COG3: variants seen among roughly 807,000 people sequenced by gnomAD.
COG3 encodes the protein component of oligomeric golgi complex 3.
COG3 carries 32 observed loss-of-function variants against 114.1 expected under a neutral mutation model. The ratio of observed to expected loss-of-function variants is 0.28; its 90% CI spans 0.21 to 0.38. The LOEUF (loss-of-function observed/expected upper bound fraction) is 0.38, where lower values mean the gene tolerates loss of function less well. COG3 is among the 10% of genes least tolerant of loss of function. The pLI, the probability that COG3 is intolerant of heterozygous loss-of-function variation, is 1.00. For synonymous variants in COG3, 352 were observed against 365.7 expected, an observed-to-expected ratio of 0.96 and a Z score of 0.43; for missense variants, 813 against 973.2, an observed-to-expected ratio of 0.84 and a Z score of 2.19.
At chr13:45,513,189 A>G (rs1310634166) in intron 16 of COG3, among the ~76,000 whole-genome samples, 2 of 122,046 alleles carry the variant, frequency 1.6e-5, no homozygotes, top group Non-Finnish European at 3.5e-5. Flanking sequence ...GCTTTTATAT[A>G]TATATATATA....
intron 19 of COG3, among the ~76,000 whole-genome samples, chr13:45,522,947 C>T (rs548636651): frequency 5.3e-5 from 8 of 152,290 alleles, no homozygotes; most frequent in African/African-American, 9.6e-5. Flanking sequence ...CCTGCAACTG[C>T]GTCTGCCACC....
chr13:45,534,508 T>TTC, intron 22 of COG3, 194 bp from the exon 23 acceptor site: 3 of 381,234 alleles, frequency 7.9e-6, no homozygotes, highest in Non-Finnish European at 1.4e-5. Flanking sequence ...TTTTTTTTTT[T>TTC]CCATTCTAAT....
At chr13:45,498,711 G>A (rs114765543) in intron 13 of COG3, among the ~76,000 whole-genome samples, 1 of 148,830 alleles carries the variant, frequency 6.7e-6, no homozygotes, top group East Asian at 1.9e-4. Flanking sequence ...TCCTGTGCTA[G>A]CACCAGACTG....
intron 8 of COG3, among the ~76,000 whole-genome samples, chr13:45,487,788 A>G (rs981648301): frequency 2.0e-5 from 3 of 152,238 alleles, no homozygotes; most frequent in African/African-American, 7.2e-5. Context: ...GTTGATGGGA[A>G]TGTAAATTAG....
chr13:45,529,951 G>A lies in COG3; in HGVS notation c.2358+33G>A, dbSNP rs187162327. The A allele has an allele frequency of 2.8e-4, 438 of 1,584,734 alleles. 3 individuals carry two copies. In the East Asian group the frequency reaches 7.7e-3, roughly 28 times the overall value. On this transcript the variant is annotated intron_variant, in intron 21 of 22. Coordinates refer to ENST00000349995, the MANE Select transcript of COG3 (RefSeq NM_031431.4). ...TCAGATAACTCATTTGAATGTTGGC[G>A]GGTGACTTCAAGTATTCTTTGCCTC...
intron 17 of COG3, among the ~76,000 whole-genome samples, chr13:45,517,668 T>A (rs146098338): frequency 1.3e-5 from 2 of 152,318 alleles, no homozygotes; most frequent in East Asian, 1.9e-4. Context: ...CCCATTCTGG[T>A]TGATTTCATT....
At position 45,535,401 on chromosome 13, in the gene COG3, A is replaced by G. The variant is rs1456721631; in HGVS notation, c.*670A>G. 1.0e-6 allele frequency: 1 copy of G among 985,452 alleles called. No individual in the cohort carries two copies. The highest frequency in any genetic ancestry group is 1.2e-6 in the Non-Finnish European group (1 of 829,930). 61.0% of individuals were successfully genotyped at this position (985,452 alleles called of 1,614,324 possible). ...GCTTAGGTGCAGACAGTTCTAAAGC[A>G]AGGAGCTGCAGCATTCTCATCATAG... On this transcript the variant is annotated 3_prime_UTR_variant, in exon 23 of 23. Coordinates refer to ENST00000349995, the MANE Select transcript of COG3 (RefSeq NM_031431.4).
intron 1 of COG3, chr13:45,465,464 C>T: frequency 1.9e-6 from 1 of 527,986 alleles, no homozygotes; most frequent in Non-Finnish European, 3.2e-6. Flanking sequence ...GAACCCAGTC[C>T]TCCCCCAGCA....
At chr13:45,483,435 G>GA (rs1886378111) in intron 7 of COG3, 80 bp downstream of exon 7, 2 of 1,209,084 alleles carry the variant, frequency 1.7e-6, no homozygotes, top group Admixed American at 5.7e-5. Context: ...CTTTGGCTGA[G>GA]ATTAGTACTT....
chr13:45,514,316 A>T (rs550417320), intron 16 of COG3, among the ~76,000 whole-genome samples: 44 of 152,136 alleles, frequency 2.9e-4, no homozygotes, highest in African/African-American at 9.9e-4. Context: ...GTGTGCCACC[A>T]CGCCCAGCTA....
At chr13:45,486,890 C>G (rs1305275695) in intron 8 of COG3, among the ~76,000 whole-genome samples, 1 of 152,064 alleles carries the variant, frequency 6.6e-6, no homozygotes, top group African/African-American at 2.4e-5. Flanking sequence ...GAGAACAGCA[C>G]ATATAGGGAA....
At chr13:45,530,302 A>G (rs1873056794) in intron 21 of COG3, among the ~76,000 whole-genome samples, 1 of 152,212 alleles carries the variant, frequency 6.6e-6, no homozygotes, top group Non-Finnish European at 1.5e-5. Context: ...ATGTCAGAGC[A>G]AATTTAGGGC....
In COG3 at chr13:45,491,549, A is replaced by G; in HGVS notation, c.1095+11A>G. Reference sequence around the variant, plus strand: ...GATCACTGTGCCTTGGTAAGTTTCTACTTGTTTTGGTTTAATGTTAAATCT... The same window carrying G: ...GATCACTGTGCCTTGGTAAGTTTCTGCTTGTTTTGGTTTAATGTTAAATCT... On this transcript the variant is annotated intron_variant, in intron 10 of 22. Transcript: ENST00000349995. The G allele has an allele frequency of 6.2e-7, 1 of 1,607,410 alleles. No homozygotes were observed.
intron 14 of COG3, among the ~76,000 whole-genome samples, chr13:45,504,610 T>G (rs535604680): frequency 3.8e-4 from 58 of 152,070 alleles, no homozygotes; most frequent in Admixed American, 7.2e-4. Flanking sequence ...CAGGGTGGTG[T>G]TGGGGGGATG....
intron 12 of COG3, 172 bp downstream of exon 12, chr13:45,493,658 GAC>G (rs1887153281): frequency 4.6e-6 from 2 of 439,548 alleles, no homozygotes; most frequent in Non-Finnish European, 4.0e-6. Context: ...TGTCACTAAA[GAC>G]ACAATCAGAT....
At chr13:45,489,262 CAAAAA>C (rs377551623) in intron 8 of COG3, among the ~76,000 whole-genome samples, 1 of 43,594 alleles carries the variant, frequency 2.3e-5, no homozygotes, top group Non-Finnish European at 3.7e-5. Flanking sequence ...GACCCAGCCT[CAAAAA>C]AAAAAAAAAA....
intron 1 of COG3, among the ~76,000 whole-genome samples, chr13:45,467,818 C>G (rs1023315930): frequency 1.3e-5 from 2 of 152,118 alleles, no homozygotes; most frequent in African/African-American, 2.4e-5. Flanking sequence ...CAGTATAACT[C>G]AAGGATTTTC....
At chr13:45,477,163 G>A (rs917104218) in intron 2 of COG3, among the ~76,000 whole-genome samples, 1 of 151,962 alleles carries the variant, frequency 6.6e-6, no homozygotes, top group African/African-American at 2.4e-5. Flanking sequence ...ATGTAAATTC[G>A]TTGTGTAGCA....
chr13:45,508,411 C>T (rs1268900086), intron 14 of COG3, among the ~76,000 whole-genome samples: 26 of 91,168 alleles, frequency 2.9e-4, no homozygotes, highest in African/African-American at 1.7e-3. Context: ...TATACACACA[C>T]ACACACACAC....
Sources: gnomAD v4.1 joint callset for allele counts (sites outside exome capture counted in the v4.1 genomes callset) on GRCh38, gnomAD v4.1.1 for gene constraint, MANE v1.5 for transcripts, NCBI Gene and HGNC (gene_info 2026-07-23, HGNC 2026-07-21) for gene names.